The following ANKFN1 variants were observed in gnomAD, a reference collection of about 807,000 sequenced individuals.
ANKFN1 encodes the protein ankyrin repeat and fibronectin type-III domain-containing protein 1.
A neutral mutation model predicts 108.7 loss-of-function variants in ANKFN1; 74 were observed. That is an observed-to-expected ratio of 0.68 (90% CI 0.56 to 0.83). ANKFN1 has a LOEUF of 0.83. ANKFN1 is among the 40% of genes least tolerant of loss of function. ANKFN1 has a pLI of 0.00. For synonymous variants in ANKFN1, 547 were observed against 516.2 expected (o/e 1.06, Z -0.81); for missense variants, 1,505 against 1,382.3 (o/e 1.09, Z -1.41).
At position 56,274,156 on chromosome 17, in the gene ANKFN1, A is replaced by T. The variant is rs532605172; in HGVS notation, c.53+46199A>T. On this transcript the variant is annotated intron_variant, in intron 3 of 20. Coordinates refer to ENST00000682825, the MANE Select transcript of ANKFN1 (RefSeq NM_001370326.1). ...TGGGGTAGAGAGCAGAACCCTAAAG[A>T]AATCTGGGACTCTTTGACAAGGGAG... Among the ~76,000 whole-genome samples, 6 of 152,302 alleles carry T rather than the reference A, an allele frequency of 3.9e-5. No individual in the cohort carries two copies. In the East Asian group the frequency reaches 1.2e-3, roughly 29 times the overall value.
intron 6 of ANKFN1, among the ~76,000 whole-genome samples, chr17:56,366,026 G>A (rs1191366170): frequency 1.3e-5 from 2 of 152,150 alleles, no homozygotes; most frequent in Non-Finnish European, 2.9e-5. Flanking sequence ...AGCTCTATGC[G>A]TGTTACTGCC....
intron 4 of ANKFN1, among the ~76,000 whole-genome samples, chr17:56,106,728 A>T (rs1445020102): frequency 6.6e-6 from 1 of 152,142 alleles, no homozygotes; most frequent in African/African-American, 2.4e-5. Flanking sequence ...CAAAAATCTC[A>T]TCTTGAAGGC....
intron 3 of ANKFN1, among the ~76,000 whole-genome samples, chr17:56,251,816 A>T (rs1242966462): frequency 6.6e-6 from 1 of 152,212 alleles, no homozygotes; most frequent in Non-Finnish European, 1.5e-5. Flanking sequence ...GCCTCTGTAA[A>T]AAGAGATCTC....
chr17:56,468,807 G>A (rs1362801746), intron 15 of ANKFN1, among the ~76,000 whole-genome samples: 1 of 152,190 alleles, frequency 6.6e-6, no homozygotes, highest in Non-Finnish European at 1.5e-5. Context: ...GGTTCATAGG[G>A]AATTGACAGA....
rs1447956844 is a variant in ANKFN1, at chr17:56,313,905, T to G, written c.54-12316T>G. ...ATTTCCAACCGGCCTGAAAGTTTCC[T>G]TCTGCCACTGTCCAACCAAATATCC... On this transcript the variant is annotated intron_variant, in intron 3 of 20. Transcript: ENST00000682825. Among the ~76,000 whole-genome samples, 8 of 152,234 alleles carry G rather than the reference T, an allele frequency of 5.3e-5. 1 individual carries two copies. The highest frequency in any genetic ancestry group is 2.9e-5 in the Non-Finnish European group (2 of 68,040).
chr17:56,359,399 T>C (rs951028990), intron 6 of ANKFN1, among the ~76,000 whole-genome samples: 1 of 152,216 alleles, frequency 6.6e-6, no homozygotes, highest in Non-Finnish European at 1.5e-5. Flanking sequence ...ATTTTTACAC[T>C]ATTTAATTAC....
intron 8 of ANKFN1, among the ~76,000 whole-genome samples, chr17:56,431,484 G>T (rs2048754043): frequency 6.6e-6 from 1 of 152,014 alleles, no homozygotes; most frequent in Admixed American, 6.5e-5. Context: ...GGCTCCCAGG[G>T]AGCAAAATGG....
rs776772271 is a variant in ANKFN1 at position 56,326,202 on chromosome 17, C to T, written c.54-19C>T. On this transcript the variant is annotated intron_variant, in intron 3 of 20. Transcript: ENST00000682825. ...CTCTTGCCTGTAGTGATCCTGTTCG[C>T]ATTTTATTCTTTACACAGAATAGGA... 2.5e-6 allele frequency: 4 copies of T among 1,603,028 alleles called. No homozygotes were observed. The highest frequency in any genetic ancestry group is 2.6e-6 in the Non-Finnish European group (3 of 1,175,774).
At chr17:56,358,307 A>G (rs890993784) in intron 6 of ANKFN1, among the ~76,000 whole-genome samples, 2 of 152,184 alleles carry the variant, frequency 1.3e-5, no homozygotes, top group Non-Finnish European at 2.9e-5. Flanking sequence ...AACAGGAATC[A>G]CCGTGACACA....
chr17:56,474,701 A>C (rs2050439848), intron 15 of ANKFN1, among the ~76,000 whole-genome samples: 1 of 152,046 alleles, frequency 6.6e-6, no homozygotes, highest in African/African-American at 2.4e-5. Flanking sequence ...AAATTCAGTG[A>C]ATTTGAATAC....
intron 3 of ANKFN1, among the ~76,000 whole-genome samples, chr17:56,319,076 A>G (rs558731751): frequency 9.8e-4 from 150 of 152,306 alleles, no homozygotes; most frequent in African/African-American, 3.4e-3. Context: ...GGAAGAAAAA[A>G]CATAGACAAA....
At chr17:56,505,445 A>C (rs896408287) in intron 20 of ANKFN1, among the ~76,000 whole-genome samples, 1 of 152,218 alleles carries the variant, frequency 6.6e-6, no homozygotes. Context: ...TAGTCCACTC[A>C]TATGTCCATG....
At chr17:56,235,992 A>T (rs1372928292) in intron 3 of ANKFN1, among the ~76,000 whole-genome samples, 1 of 152,070 alleles carries the variant, frequency 6.6e-6, no homozygotes, top group Non-Finnish European at 1.5e-5. Flanking sequence ...ATGATCCATG[A>T]GCATGGAATG....
intron 8 of ANKFN1, among the ~76,000 whole-genome samples, chr17:56,381,247 C>T (rs2047094140): frequency 6.6e-6 from 1 of 152,158 alleles, no homozygotes; most frequent in South Asian, 2.1e-4. Flanking sequence ...AGAAGGAAAA[C>T]TAACAAACAC....
In ANKFN1 at chr17:56,264,876, C is replaced by A. The variant is rs541767495; in HGVS notation, c.53+36919C>A. On this transcript the variant is annotated intron_variant, in intron 3 of 20. Coordinates refer to ENST00000682825, the MANE Select transcript of ANKFN1 (RefSeq NM_001370326.1). ...TTATTAGTGCTATATTTTCCCTCTA[C>A]AAATACTTTGGGGTCTTTTTTCTTT... 2.0e-5 allele frequency among the ~76,000 whole-genome samples: 3 copies of A among 152,280 alleles called. No homozygotes were observed. In the East Asian group the frequency reaches 5.8e-4, roughly 29 times the overall value.
exon 4 of ANKFN1, chr17:56,046,146 A>G (rs1319749352): frequency 6.6e-6 from 1 of 152,344 alleles, no homozygotes; most frequent in Non-Finnish European, 1.5e-5. Context: ...GGATAATGAC[A>G]TAAACGAGTC....
rs150623465 is a variant in ANKFN1 at position 56,197,652 on chromosome 17, C to G, written c.-70-14946C>G. On this transcript the variant is annotated intron_variant, in intron 1 of 20. Transcript: ENST00000682825. Reference sequence around the variant, plus strand: ...AACCTGCTGACTGCAGGAACTCTCTCCTCAGTTAGCAAATGCTCTGAAAAG... The same window carrying G: ...AACCTGCTGACTGCAGGAACTCTCTGCTCAGTTAGCAAATGCTCTGAAAAG... Among the ~76,000 whole-genome samples, 262 of 152,328 alleles carry G rather than the reference C, an allele frequency of 1.7e-3. 3 individuals carry two copies. The highest frequency in any genetic ancestry group is 6.1e-3 in the African/African-American group (252 of 41,568).
At chr17:56,434,393 A>AAAAG (rs1555652386) in intron 8 of ANKFN1, among the ~76,000 whole-genome samples, 1 of 150,906 alleles carries the variant, frequency 6.6e-6, no homozygotes, top group South Asian at 2.1e-4. Flanking sequence ...AAAAAAAAAA[A>AAAAG]AAGAAGAAGA....
chr17:56,159,060 A>C (rs1308995471), intron 1 of ANKFN1, among the ~76,000 whole-genome samples: 6 of 143,882 alleles, frequency 4.2e-5, no homozygotes, highest in Non-Finnish European at 7.6e-5. Context: ...AAAAAAGCAG[A>C]AGAAGAAGAA....
Sources: allele counts gnomAD v4.1 joint callset (sites outside exome capture counted in the v4.1 genomes callset), GRCh38; gene constraint gnomAD v4.1.1; transcripts MANE v1.5; gene names NCBI Gene and HGNC (gene_info 2026-07-23, HGNC 2026-07-21).